EYS: variants seen among roughly 807,000 people sequenced by gnomAD.
EYS encodes the protein protein eyes shut homolog.
Under a neutral mutation model 282.1 loss-of-function variants are expected in EYS, and 250 were observed. The observed-to-expected ratio is 0.89, with a 90% CI of 0.80 to 0.98. The LOEUF (loss-of-function observed/expected upper bound fraction) is 0.98. Ranked by LOEUF, EYS falls within the 50% of genes least tolerant of loss-of-function variation. The pLI, the probability that EYS is intolerant of heterozygous loss-of-function variation, is 0.00. For synonymous variants in EYS, 1,355 were observed against 1,282.9 expected (o/e 1.06, Z -1.20); for missense variants, 4,016 against 3,709.0 (o/e 1.08, Z -2.15).
At chr6:64,723,801 A>G (rs1474618868) in intron 22 of EYS, among the ~76,000 whole-genome samples, 6 of 152,142 alleles carry the variant, frequency 3.9e-5, no homozygotes, top group Admixed American at 6.5e-5. Flanking sequence ...TGGATCTTCC[A>G]TGGGTTTTGT....
intron 26 of EYS, among the ~76,000 whole-genome samples, chr6:64,527,185 A>G (rs1777950143): frequency 6.6e-6 from 1 of 151,858 alleles, no homozygotes; most frequent in Non-Finnish European, 1.5e-5. Flanking sequence ...TCCACAGTCA[A>G]CAAATGTTTT....
chr6:65,626,021 C>T (rs1228832213), intron 2 of EYS, among the ~76,000 whole-genome samples: 1 of 152,120 alleles, frequency 6.6e-6, no homozygotes, highest in East Asian at 1.9e-4. Flanking sequence ...TCAAATGTAG[C>T]TTCCAGATAG....
At chr6:63,904,784 G>C (rs961631047) in intron 35 of EYS, among the ~76,000 whole-genome samples, 2 of 152,168 alleles carry the variant, frequency 1.3e-5, no homozygotes, top group East Asian at 3.9e-4. Context: ...TTTCTTAGAA[G>C]CCTCTCCAAA....
chr6:65,437,075 T>C (rs1182387652), intron 5 of EYS, among the ~76,000 whole-genome samples: 1 of 152,122 alleles, frequency 6.6e-6, no homozygotes, highest in East Asian at 1.9e-4. Flanking sequence ...GAATAGAAAG[T>C]CTGTATATAA....
At chr6:64,096,290 G>A (rs529913574) in intron 31 of EYS, among the ~76,000 whole-genome samples, 1 of 152,262 alleles carries the variant, frequency 6.6e-6, no homozygotes, top group South Asian at 2.1e-4. Context: ...GAATTTGAAT[G>A]TTGGCCTGCC....
intron 33 of EYS, among the ~76,000 whole-genome samples, chr6:64,016,105 A>C (rs1768877130): frequency 6.6e-6 from 1 of 152,174 alleles, no homozygotes; most frequent in African/African-American, 2.4e-5. Flanking sequence ...GCCTCCTATT[A>C]AAAGCAATGC....
At chr6:64,447,459 A>ATTT (rs59741593) in intron 26 of EYS, among the ~76,000 whole-genome samples, 23 of 150,554 alleles carry the variant, frequency 1.5e-4, no homozygotes, top group Admixed American at 2.0e-4. Context: ...TGAAATTCTG[A>ATTT]TTTTTTTTTT....
chr6:65,378,871 C>CA, intron 8 of EYS, among the ~76,000 whole-genome samples: 1 of 151,840 alleles, frequency 6.6e-6, no homozygotes, highest in Admixed American at 6.6e-5. Context: ...ACATCACACA[C>CA]CGGGGCCTGT....
chr6:64,787,454 G>GT (rs965869870), intron 22 of EYS, among the ~76,000 whole-genome samples: 13 of 149,152 alleles, frequency 8.7e-5, no homozygotes, highest in African/African-American at 1.5e-4. Context: ...TAAAAACTTT[G>GT]TTTTTTTTTC....
intron 36 of EYS, among the ~76,000 whole-genome samples, chr6:63,840,217 A>ATTATTATTG (rs1771919156): frequency 8.4e-6 from 1 of 119,196 alleles, no homozygotes; most frequent in Non-Finnish European, 1.7e-5. Flanking sequence ...CCATCTTATT[A>ATTATTATTG]TTATTATTAT....
intron 35 of EYS, among the ~76,000 whole-genome samples, chr6:63,897,542 AT>A (rs1226217149): frequency 6.6e-6 from 1 of 152,186 alleles, no homozygotes; most frequent in African/African-American, 2.4e-5. Flanking sequence ...CAAGATATGG[AT>A]TCTCACCGAC....
chr6:64,020,944 T>C (rs1423027272), intron 33 of EYS, among the ~76,000 whole-genome samples: 1 of 152,190 alleles, frequency 6.6e-6, no homozygotes, highest in Non-Finnish European at 1.5e-5. Flanking sequence ...ATCCAAGAAT[T>C]ATGATGACTA....
At chr6:63,913,706 C>T (rs1232290459) in intron 35 of EYS, among the ~76,000 whole-genome samples, 1 of 152,072 alleles carries the variant, frequency 6.6e-6, no homozygotes, top group African/African-American at 2.4e-5. Flanking sequence ...ATGTATATAC[C>T]ACATTTTGTT....
At chr6:64,196,600 T>C (rs1765294813) in intron 31 of EYS, among the ~76,000 whole-genome samples, 1 of 152,056 alleles carries the variant, frequency 6.6e-6, no homozygotes, top group African/African-American at 2.4e-5. Context: ...TATAGGGACA[T>C]GGATGAAATT....
At chr6:64,268,393 G>A (rs1363482703) in intron 30 of EYS, among the ~76,000 whole-genome samples, 4 of 152,076 alleles carry the variant, frequency 2.6e-5, no homozygotes, top group African/African-American at 2.4e-5. Flanking sequence ...GTTCTGAGGT[G>A]GGAGAGAGAA....
rs76679044 is a variant in EYS at position 65,128,802 on chromosome 6, C to T, written c.2024-71075G>A. 1.8e-3 allele frequency among the ~76,000 whole-genome samples: 272 copies of T among 151,996 alleles called. 2 individuals are homozygous for T. In the East Asian group the frequency reaches 0.037, roughly 21 times the overall value. ...CTAACAACTTGATTTTTCACAGAAT[C>T]AGAAGAAACTATTCTGAAATTCATA... On this transcript the variant is annotated intron_variant, in intron 12 of 42. Coordinates refer to ENST00000503581, the MANE Select transcript of EYS (RefSeq NM_001142800.2).
intron 1 of EYS, among the ~76,000 whole-genome samples, chr6:65,651,596 A>G (rs939115862): frequency 2.0e-5 from 3 of 151,826 alleles, no homozygotes; most frequent in Non-Finnish European, 2.9e-5. Flanking sequence ...CAGTTGCAAA[A>G]CTCTTCCTTC....
intron 26 of EYS, among the ~76,000 whole-genome samples, chr6:64,450,079 A>T (rs1775269713): frequency 6.6e-6 from 1 of 152,168 alleles, no homozygotes; most frequent in Non-Finnish European, 1.5e-5. Context: ...ATAAAGAGTC[A>T]AGACCCATCA....
chr6:65,579,975 A>C (rs1764813271), intron 2 of EYS, among the ~76,000 whole-genome samples: 1 of 152,158 alleles, frequency 6.6e-6, no homozygotes, highest in African/African-American at 2.4e-5. Flanking sequence ...TTTAAATAAT[A>C]GGGTTATTGT....
Sources: gnomAD v4.1 joint callset for allele counts (sites outside exome capture counted in the v4.1 genomes callset) on GRCh38, gnomAD v4.1.1 for gene constraint, MANE v1.5 for transcripts, NCBI Gene and HGNC (gene_info 2026-07-23, HGNC 2026-07-21) for gene names.